GRIK2: variants seen among roughly 807,000 people sequenced by gnomAD.
The protein encoded by GRIK2 is glutamate receptor ionotropic, kainate 2.
A neutral mutation model predicts 100.3 loss-of-function variants in GRIK2; 32 were observed. The observed-to-expected ratio is 0.32, with a 90% CI of 0.24 to 0.43. The LOEUF is 0.43. Among genes scored for constraint, GRIK2 ranks in the 20% least tolerant of loss-of-function variants. The probability of loss-of-function intolerance (pLI) is 1.00; values close to 1 mark genes in which losing one functional copy is unlikely to be tolerated. For missense variants in GRIK2, 843 were observed against 1,114.9 expected (o/e 0.76, Z 3.47); for synonymous variants, 417 against 389.4 (o/e 1.07, Z -0.83).
intron 11 of GRIK2, among the ~76,000 whole-genome samples, chr6:101,878,211 A>G (rs992976812): frequency 1.3e-5 from 2 of 150,790 alleles, no homozygotes; most frequent in Admixed American, 6.7e-5. Context: ...TATAAATGAA[A>G]ACATAAACTC....
At chr6:101,715,688 G>C (rs1417129040) in intron 7 of GRIK2, among the ~76,000 whole-genome samples, 1 of 151,718 alleles carries the variant, frequency 6.6e-6, no homozygotes, top group Non-Finnish European at 1.5e-5. Flanking sequence ...AATTATTTCT[G>C]ATGTTCCTGA....
intron 7 of GRIK2, among the ~76,000 whole-genome samples, chr6:101,723,669 T>C (rs1183467680): frequency 2.6e-5 from 4 of 152,026 alleles, no homozygotes; most frequent in Admixed American, 6.6e-5. Context: ...ACAACTAAAC[T>C]GGTTAATGAA....
At chr6:102,042,647 C>A (rs2114458192) in intron 15 of GRIK2, among the ~76,000 whole-genome samples, 1 of 151,484 alleles carries the variant, frequency 6.6e-6, no homozygotes, top group South Asian at 2.1e-4. Context: ...TAAAATGGTC[C>A]AACTCTTATA....
Position 102,005,385 on chromosome 6 carries a change from A to C in GRIK2, c.2086-29956A>C, listed in dbSNP as rs557654885. ...GGACTTCTTATTTATAAATTAGCAT[A>C]ATTTTATTGATATTATACAATTTAA... On this transcript the variant is annotated intron_variant, in intron 14 of 16. Coordinates refer to ENST00000369134, the MANE Select transcript of GRIK2 (RefSeq NM_021956.5). 5.9e-5 allele frequency among the ~76,000 whole-genome samples: 9 copies of C among 152,132 alleles called. 1 individual carries two copies. Among genetic ancestry groups the C allele is most frequent in the African/African-American group, 2.2e-4 (9 of 41,558 alleles).
At chr6:101,792,351 G>T (rs1433828696) in intron 7 of GRIK2, among the ~76,000 whole-genome samples, 4 of 152,118 alleles carry the variant, frequency 2.6e-5, no homozygotes, top group East Asian at 1.9e-4. Context: ...GGTCCTGGTT[G>T]TTCCTTTGCA....
At chr6:101,840,196 AT>A (rs1664655529) in intron 10 of GRIK2, among the ~76,000 whole-genome samples, 1 of 152,204 alleles carries the variant, frequency 6.6e-6, no homozygotes, top group Non-Finnish European at 1.5e-5. Flanking sequence ...AGCATCTGGG[AT>A]TAAAAGAATA....
chr6:101,434,177 A>G (rs1769585052), intron 2 of GRIK2, among the ~76,000 whole-genome samples: 1 of 152,210 alleles, frequency 6.6e-6, no homozygotes, highest in African/African-American at 2.4e-5. Context: ...GTTGGGACTA[A>G]CAGCAGCAGA....
intron 7 of GRIK2, among the ~76,000 whole-genome samples, chr6:101,690,917 A>G (rs1325211467): frequency 6.6e-6 from 1 of 152,016 alleles, no homozygotes; most frequent in Non-Finnish European, 1.5e-5. Flanking sequence ...GTGGTCCTTT[A>G]TTTATGCACT....
chr6:101,754,809 G>A (rs1777023260), intron 7 of GRIK2, among the ~76,000 whole-genome samples: 1 of 152,178 alleles, frequency 6.6e-6, no homozygotes, highest in African/African-American at 2.4e-5. Context: ...TGGCTCAGAG[G>A]TAAGAAAACC....
intron 7 of GRIK2, among the ~76,000 whole-genome samples, chr6:101,721,091 A>T (rs987170877): frequency 6.6e-6 from 1 of 151,958 alleles, no homozygotes; most frequent in Non-Finnish European, 1.5e-5. Flanking sequence ...AGAATGATAA[A>T]TTTTTAATAA....
intron 2 of GRIK2, among the ~76,000 whole-genome samples, chr6:101,484,282 A>G (rs1772696842): frequency 6.6e-6 from 1 of 152,124 alleles, no homozygotes; most frequent in Non-Finnish European, 1.5e-5. Flanking sequence ...ATCTCCTTCC[A>G]AAGGGAAAAC....
chr6:101,877,138 C>T (rs1352304533), intron 11 of GRIK2, among the ~76,000 whole-genome samples: 1 of 151,680 alleles, frequency 6.6e-6, no homozygotes, highest in Non-Finnish European at 1.5e-5. Flanking sequence ...CACAGACGAA[C>T]ACACACACAC....
intron 7 of GRIK2, among the ~76,000 whole-genome samples, chr6:101,724,437 CAT>C (rs878948771): frequency 6.6e-6 from 1 of 151,894 alleles, no homozygotes. Context: ...TAAGTGAGAA[CAT>C]GTGGTACTCG....
chr6:101,402,163 C>A (rs1370221163), intron 2 of GRIK2, among the ~76,000 whole-genome samples: 1 of 152,128 alleles, frequency 6.6e-6, no homozygotes, highest in Non-Finnish European at 1.5e-5. Flanking sequence ...CCCTCGCCTC[C>A]CCCGCCCGTC....
chr6:101,801,812 A>G (rs1262222984), intron 8 of GRIK2, among the ~76,000 whole-genome samples: 1 of 151,906 alleles, frequency 6.6e-6, no homozygotes, highest in Non-Finnish European at 1.5e-5. Flanking sequence ...AGTAATTATA[A>G]TACATTTCCC....
intron 2 of GRIK2, among the ~76,000 whole-genome samples, chr6:101,510,248 CAGA>C (rs1405234712): frequency 6.6e-6 from 1 of 152,074 alleles, no homozygotes; most frequent in Non-Finnish European, 1.5e-5. Context: ...CACAGGTTTA[CAGA>C]AGAAGTGTTG....
At chr6:101,732,343 AG>A (rs1222922544) in intron 7 of GRIK2, among the ~76,000 whole-genome samples, 3 of 152,042 alleles carry the variant, frequency 2.0e-5, no homozygotes, top group Non-Finnish European at 4.4e-5. Flanking sequence ...AAAATTAATT[AG>A]ATTATATTTT....
intron 2 of GRIK2, among the ~76,000 whole-genome samples, chr6:101,441,675 A>AG (rs1379456399): frequency 6.6e-6 from 1 of 151,952 alleles, no homozygotes; most frequent in Non-Finnish European, 1.5e-5. Context: ...GTATGTGTGC[A>AG]GGGTTTGTTA....
intron 14 of GRIK2, among the ~76,000 whole-genome samples, chr6:101,966,944 A>C (rs902504624): frequency 1.3e-5 from 2 of 152,018 alleles, no homozygotes; most frequent in African/African-American, 4.8e-5. Flanking sequence ...TTTTATTGTG[A>C]TATTATGTAT....
Sources: allele counts gnomAD v4.1 joint callset (sites outside exome capture counted in the v4.1 genomes callset), GRCh38; gene constraint gnomAD v4.1.1; transcripts MANE v1.5; gene names NCBI Gene and HGNC (gene_info 2026-07-23, HGNC 2026-07-21).